Variants in SLC35F1 observed in about 807,000 individuals in gnomAD.
The protein encoded by SLC35F1 is chromosome 6 open reading frame 169.
SLC35F1 carries 14 observed loss-of-function variants against 48.7 expected under a neutral mutation model. The observed-to-expected ratio is 0.29, with a 90% CI of 0.19 to 0.45. SLC35F1 has a LOEUF of 0.45. SLC35F1 is among the 20% of genes least tolerant of loss of function. The pLI is 1.00. For synonymous variants in SLC35F1, 190 were observed against 202.2 expected, an observed-to-expected ratio of 0.94 and a Z score of 0.51; for missense variants, 404 against 500.0, an observed-to-expected ratio of 0.81 and a Z score of 1.83.
Position 117,967,471 on chromosome 6 carries a change from C to G in SLC35F1, c.173+59572C>G, listed in dbSNP as rs138601473. On this transcript the variant is annotated intron_variant, in intron 1 of 7. Transcript: ENST00000360388. Reference sequence around the variant, plus strand: ...AATTGGTAGGTTATTCCTACTGACGCTTGTGTCCTCATCCTCTTATGGTTT... The same window carrying G: ...AATTGGTAGGTTATTCCTACTGACGGTTGTGTCCTCATCCTCTTATGGTTT... Among the ~76,000 whole-genome samples the G allele has an allele frequency of 2.0e-4, 30 of 152,290 alleles. No individual in the cohort carries two copies. In the East Asian group the frequency reaches 5.8e-3, roughly 29 times the overall value.
intron 1 of SLC35F1, among the ~76,000 whole-genome samples, chr6:118,043,870 T>C (rs1021875633): frequency 6.6e-6 from 1 of 152,236 alleles, no homozygotes; most frequent in Non-Finnish European, 1.5e-5. Flanking sequence ...CTGCCACCAT[T>C]TTCAAAATTG....
chr6:118,306,981 A>G (rs1420497706), intron 7 of SLC35F1, among the ~76,000 whole-genome samples: 1 of 152,250 alleles, frequency 6.6e-6, no homozygotes, highest in Admixed American at 6.5e-5. Flanking sequence ...GGTTTTGCAA[A>G]CTAAACAGAA....
chr6:118,112,385 T>C (rs1773420322), intron 1 of SLC35F1, among the ~76,000 whole-genome samples: 1 of 152,286 alleles, frequency 6.6e-6, no homozygotes, highest in African/African-American at 2.4e-5. Flanking sequence ...CATCTCCCCA[T>C]GATCTTTTTA....
rs1186318504 is a variant in SLC35F1 at position 118,317,079 on chromosome 6, C to T, written c.*2827C>T. On this transcript the variant is annotated 3_prime_UTR_variant, in exon 8 of 8. Coordinates refer to ENST00000360388, the MANE Select transcript of SLC35F1 (RefSeq NM_001029858.4). Reference sequence around the variant, plus strand: ...CCAGCAAAATTTTCAGTTTCTAACTCCACCACCAATCTCTCCTCAATGAAT... The same window carrying T: ...CCAGCAAAATTTTCAGTTTCTAACTTCACCACCAATCTCTCCTCAATGAAT... 1.3e-5 allele frequency: 2 copies of T among 152,594 alleles called. No homozygotes were observed. Among genetic ancestry groups the T allele is most frequent in the Admixed American group, 1.3e-4 (2 of 15,284 alleles). The allele number at this position is 152,594 out of a possible 1,614,324, so 9.5% of individuals were successfully genotyped here.
chr6:118,012,008 A>G (rs1383743387), intron 1 of SLC35F1, among the ~76,000 whole-genome samples: 1 of 152,212 alleles, frequency 6.6e-6, no homozygotes, highest in African/African-American at 2.4e-5. Flanking sequence ...CATTTTAAAA[A>G]ATGATATTAA....
chr6:118,301,737 T>C (rs879902321), intron 7 of SLC35F1, among the ~76,000 whole-genome samples: 1 of 152,166 alleles, frequency 6.6e-6, no homozygotes, highest in Non-Finnish European at 1.5e-5. Flanking sequence ...ATAAATATTT[T>C]AGGCTTTGCA....
chr6:118,014,879 A>G (rs747751286), intron 1 of SLC35F1, among the ~76,000 whole-genome samples: 3 of 152,178 alleles, frequency 2.0e-5, no homozygotes, highest in Non-Finnish European at 4.4e-5. Flanking sequence ...GCTGGCAGGT[A>G]AATTGGACTG....
chr6:118,257,902 A>G (rs1775666191), intron 3 of SLC35F1, among the ~76,000 whole-genome samples: 1 of 152,166 alleles, frequency 6.6e-6, no homozygotes, highest in Non-Finnish European at 1.5e-5. Context: ...GCAGTTTTCC[A>G]ATCTTAGTTA....
chr6:118,196,700 G>A (rs1389536842), intron 2 of SLC35F1, among the ~76,000 whole-genome samples: 1 of 151,956 alleles, frequency 6.6e-6, no homozygotes, highest in Non-Finnish European at 1.5e-5. Context: ...CCCAGCTTGG[G>A]CCACAGAGTG....
intron 1 of SLC35F1, among the ~76,000 whole-genome samples, chr6:118,145,779 G>C (rs1412060802): frequency 6.6e-6 from 1 of 151,998 alleles, no homozygotes; most frequent in Non-Finnish European, 1.5e-5. Flanking sequence ...TGGGGGTGTG[G>C]GGAGGTTACA....
intron 1 of SLC35F1, among the ~76,000 whole-genome samples, chr6:117,916,330 T>TTCA (rs1775825503): frequency 6.6e-6 from 1 of 152,232 alleles, no homozygotes; most frequent in Admixed American, 6.5e-5. Context: ...AGTATTGTCT[T>TTCA]CTATGAATTG....
intron 2 of SLC35F1, among the ~76,000 whole-genome samples, chr6:118,216,787 G>A (rs757349833): frequency 5.9e-5 from 9 of 152,030 alleles, no homozygotes; most frequent in South Asian, 2.1e-4. Context: ...CACATTTTAC[G>A]CAGGGTGGAA....
chr6:118,160,502 T>C (rs541008149), intron 2 of SLC35F1, among the ~76,000 whole-genome samples: 2 of 152,374 alleles, frequency 1.3e-5, no homozygotes, highest in East Asian at 3.9e-4. Flanking sequence ...AATATCACCA[T>C]GTAGAATCCC....
At chr6:118,250,098 C>T (rs1186703307) in intron 3 of SLC35F1, among the ~76,000 whole-genome samples, 6 of 152,176 alleles carry the variant, frequency 3.9e-5, no homozygotes, top group Non-Finnish European at 7.3e-5. Context: ...ATCTGCCAGG[C>T]GATGCAATGA....
At chr6:117,989,442 C>A (rs1018791046) in intron 1 of SLC35F1, among the ~76,000 whole-genome samples, 2 of 152,126 alleles carry the variant, frequency 1.3e-5, no homozygotes, top group Non-Finnish European at 2.9e-5. Context: ...GGAGAAAAGA[C>A]CTCCTACTCA....
At chr6:118,013,293 C>T (rs772181230) in intron 1 of SLC35F1, among the ~76,000 whole-genome samples, 2 of 152,118 alleles carry the variant, frequency 1.3e-5, no homozygotes, top group Non-Finnish European at 2.9e-5. Flanking sequence ...ATATGACATT[C>T]TTGGTTGGGG....
At chr6:118,067,903 G>A (rs1004676949) in intron 1 of SLC35F1, among the ~76,000 whole-genome samples, 2 of 152,044 alleles carry the variant, frequency 1.3e-5, no homozygotes, top group African/African-American at 2.4e-5. Context: ...GTTCACGGTG[G>A]TATTAGCTTT....
intron 1 of SLC35F1, among the ~76,000 whole-genome samples, chr6:118,147,965 T>A (rs184474722): frequency 6.0e-4 from 92 of 152,340 alleles, no homozygotes; most frequent in Non-Finnish European, 1.0e-3. Context: ...CATATAAGTC[T>A]AATTAATGCT....
At chr6:118,275,307 T>C (rs1775906866) in intron 4 of SLC35F1, 152 bp from the exon 5 acceptor site, 1 of 830,028 alleles carries the variant, frequency 1.2e-6, no homozygotes, top group Non-Finnish European at 1.8e-6. Context: ...AGAGCACAGA[T>C]AAACTTTACT....
Sources: allele counts gnomAD v4.1 joint callset (sites outside exome capture counted in the v4.1 genomes callset), GRCh38; gene constraint gnomAD v4.1.1; transcripts MANE v1.5; gene names NCBI Gene and HGNC (gene_info 2026-07-23, HGNC 2026-07-21).